TXLNA: variants seen among roughly 807,000 people sequenced by gnomAD.
TXLNA encodes the protein taxilin alpha, also known as alpha-taxilin.
TXLNA carries 9 observed loss-of-function variants against 61.4 expected under a neutral mutation model. The ratio of observed to expected loss-of-function variants is 0.15; its 90% CI spans 0.09 to 0.26. The LOEUF (loss-of-function observed/expected upper bound fraction) is 0.26. Among genes scored for constraint, TXLNA ranks in the 10% least tolerant of loss-of-function variants. TXLNA has a pLI of 1.00. For missense variants in TXLNA, 565 were observed against 688.8 expected (o/e 0.82, Z 2.01); for synonymous variants, 257 against 267.7 (o/e 0.96, Z 0.39).
chr1:32,186,774 T>C (rs1642797574), intron 4 of TXLNA, among the ~76,000 whole-genome samples: 1 of 152,186 alleles, frequency 6.6e-6, no homozygotes, highest in South Asian at 2.1e-4. Context: ...GTGGGTGTGC[T>C]CTCTGGTAGT....
chr1:32,192,679 C>T lies in TXLNA; in HGVS notation c.1106C>T (p.Ser369Phe). The T allele has an allele frequency of 6.2e-7, 1 of 1,614,174 alleles. No homozygotes were observed. The highest frequency in any genetic ancestry group is 8.5e-7 in the Non-Finnish European group (1 of 1,180,030). The change falls in exon 8 of 11, where the codon TCC (serine) becomes TTC (phenylalanine). Residue 369 changes from serine to phenylalanine, a missense_variant. Transcript: ENST00000373610. The surrounding 1 kb of genome is among the most constrained non-coding windows in gnomAD (Gnocchi z 4.2). ...TAGCTCCTGAAAGAGGCAGTAGAGTCCCAGAGGATGTGTGAGCTGATGAAG... is the reference window on the plus strand; with the variant it reads ...TAGCTCCTGAAAGAGGCAGTAGAGTTCCAGAGGATGTGTGAGCTGATGAAG... ...KDFLLKEAVE[S>F]QRMCELMKQQ... is the part of the protein sequence containing the mutation.
At chr1:32,187,264 A>C (rs113824454) in intron 4 of TXLNA, among the ~76,000 whole-genome samples, 11 of 152,190 alleles carry the variant, frequency 7.2e-5, no homozygotes, top group South Asian at 2.1e-4. Flanking sequence ...TTAAATACAT[A>C]TATTACTAAA....
At chr1:32,189,687 G>A (rs566934210) in intron 5 of TXLNA, among the ~76,000 whole-genome samples, 15 of 152,182 alleles carry the variant, frequency 9.9e-5, no homozygotes, top group African/African-American at 3.1e-4. Context: ...TGGGACCACA[G>A]GTGCACACCA....
chr1:32,192,813 T>C lies in TXLNA; in HGVS notation c.1158+82T>C. On this transcript the variant is annotated intron_variant, in intron 8 of 10. Transcript: ENST00000373610. This position sits in a 1 kb window ranked among gnomAD's most constrained non-coding sequence, Gnocchi z 4.2. ...TGGGGGTAGTGAAATGGGACCCTCA[T>C]TCTAGGACTGGCTGTGTCCTGGCTG... is the stretch of plus-strand genomic sequence containing the variant. The C allele has an allele frequency of 7.0e-6, 10 of 1,420,604 alleles. No individual in the cohort carries two copies. Among genetic ancestry groups the C allele is most frequent in the Non-Finnish European group, 9.9e-6 (10 of 1,008,332 alleles). The allele number at this position is 1,420,604 out of a possible 1,614,324, so 88.0% of individuals were successfully genotyped here.
chr1:32,180,470 A>C lies in TXLNA; in HGVS notation c.125A>C (p.Glu42Ala). ...ERPSQAAPAV[E>A]AEGPGSSQAP... is the part of the protein sequence containing the mutation. ...CCCAGCCAGGCGGCTCCTGCAGTAG[A>C]AGCAGAAGGTCCCGGCAGCAGCCAG... The change falls in exon 2 of 11, where the codon GAA becomes GCA. Residue 42 changes from glutamate (E) to alanine (A), a missense_variant. Coordinates refer to ENST00000373610, the MANE Select transcript of TXLNA (RefSeq NM_175852.4). 6.2e-7 allele frequency: 1 copy of C among 1,611,946 alleles called. No individual in the cohort carries two copies. The highest frequency in any genetic ancestry group is 1.3e-5 in the African/African-American group (1 of 75,022).
chr1:32,180,617 A>T (rs1454174735), intron 2 of TXLNA, 103 bp downstream of exon 2: 1 of 1,412,862 alleles, frequency 7.1e-7, no homozygotes, highest in Non-Finnish European at 9.4e-7. Context: ...GGAGGAGGAG[A>T]TGTAGAATGA....
rs1382118353 is a variant in TXLNA at position 32,195,074 on chromosome 1, G to A, written c.1520G>A (p.Gly507Glu). Residue 507 changes from glycine (G) to glutamate (E), a missense_variant, in exon 11 of 11, where the codon GGG (glycine) becomes GAG (glutamate). Around this residue, in one of 2 missense-constraint regions of TXLNA, gnomAD observed 373 missense variants for 504.0 expected, o/e 0.74. Transcript: ENST00000373610. ...TDSGPERRPE[G>E]PGAQAPSSPR... Reference sequence around the variant, plus strand: ...AGTGGCCCTGAGAGGAGGCCAGAGGGGCCTGGGGCTCAAGCACCCAGCTCC... The same window carrying A: ...AGTGGCCCTGAGAGGAGGCCAGAGGAGCCTGGGGCTCAAGCACCCAGCTCC... The A allele has an allele frequency of 1.2e-6, 2 of 1,614,038 alleles. No homozygotes were observed. The highest frequency in any genetic ancestry group is 1.7e-6 in the Non-Finnish European group (2 of 1,180,022).
intron 9 of TXLNA, 130 bp from the exon 10 acceptor site, chr1:32,193,935 C>T (rs1253227764): frequency 9.1e-6 from 6 of 660,082 alleles, no homozygotes; most frequent in African/African-American, 1.8e-5. Flanking sequence ...TTGACTGCAT[C>T]CTGTAATGCC....
In TXLNA at chr1:32,196,954, C is replaced by T. The variant is rs1407271681; in HGVS notation, c.*1759C>T. On this transcript the variant is annotated 3_prime_UTR_variant, in exon 11 of 11. Coordinates refer to ENST00000373610, the MANE Select transcript of TXLNA (RefSeq NM_175852.4). ...AGTTGCCTGCTATTCTCTGGTGTAT[C>T]CTTCACATCTAGGTGCCCTCAAGCA... 1 of 152,264 alleles carries T rather than the reference C, an allele frequency of 6.6e-6. No individual in the cohort carries two copies. The highest frequency in any genetic ancestry group is 1.5e-5 in the Non-Finnish European group (1 of 68,046). The allele number at this position is 152,264 out of a possible 1,614,324, so 9.4% of individuals were successfully genotyped here. A position where few individuals can be genotyped will look rare whatever the true frequency, so the allele number is the denominator to read the frequency against.
In TXLNA at chr1:32,184,881, C is replaced by T. The variant is rs77053247; in HGVS notation, c.597+265C>T. On this transcript the variant is annotated intron_variant, in intron 4 of 10. Transcript: ENST00000373610. The stretch of plus-strand genomic sequence containing the variant: ...TTGTTCCTGGCCTGAGTCCAAGACA[C>T]CTTGTGATCTTGATGCTTCTTCCTC... Among the ~76,000 whole-genome samples, 168 of 152,332 alleles carry T rather than the reference C, an allele frequency of 1.1e-3. 2 individuals are homozygous for T. The highest frequency in any genetic ancestry group is 4.0e-3 in the African/African-American group (165 of 41,570).
intron 4 of TXLNA, among the ~76,000 whole-genome samples, chr1:32,186,390 G>A (rs889092223): frequency 1.3e-5 from 2 of 152,112 alleles, no homozygotes; most frequent in Admixed American, 1.3e-4. Flanking sequence ...TGATGAGAAC[G>A]ATGAAATAGT....
rs1380748010 is a variant in TXLNA at position 32,192,881 on chromosome 1, C to T, written c.1158+150C>T. On this transcript the variant is annotated intron_variant, in intron 8 of 10. Transcript: ENST00000373610. This position sits in a 1 kb window ranked among gnomAD's most constrained non-coding sequence, Gnocchi z 4.2. ...AGCCTTTGTTCTCTCCGGACCTGCA[C>T]AGTACCTATGTGGTGGTGACCAGGT... The T allele has an allele frequency of 1.5e-4, 116 of 771,854 alleles. 1 individual carries two copies. The South Asian group carries it at 1.9e-3, about 13-fold the overall frequency. 47.8% of individuals were successfully genotyped at this position (771,854 alleles called of 1,614,324 possible). A position where few individuals can be genotyped will look rare whatever the true frequency, so the allele number is the denominator to read the frequency against.
At position 32,192,495 on chromosome 1, in the gene TXLNA, C is replaced by T. The variant is rs1642929962; in HGVS notation, c.1083+65C>T. The T allele has an allele frequency of 3.7e-6, 6 of 1,603,912 alleles. No homozygotes were observed. Among genetic ancestry groups the T allele is most frequent in the South Asian group, 1.1e-5 (1 of 90,026 alleles). ...AGACAGGCTGGGCTCTGGCTCAGCT[C>T]ATAGCCGGGTTATATGGGAGAAGTC... On this transcript the variant is annotated intron_variant, in intron 7 of 10. Coordinates refer to ENST00000373610, the MANE Select transcript of TXLNA (RefSeq NM_175852.4). The surrounding 1 kb of genome is among the most constrained non-coding windows in gnomAD (Gnocchi z 4.2).
intron 5 of TXLNA, among the ~76,000 whole-genome samples, chr1:32,189,608 G>A (rs1210563042): frequency 2.0e-5 from 3 of 151,184 alleles, no homozygotes; most frequent in South Asian, 2.1e-4. Context: ...GCAGTGGCGC[G>A]ATCATAGCTC....
chr1:32,191,914 C>T (rs1258227672), intron 6 of TXLNA, among the ~76,000 whole-genome samples: 1 of 152,204 alleles, frequency 6.6e-6, no homozygotes, highest in Non-Finnish European at 1.5e-5. Context: ...AAGTCTTTGC[C>T]AACTGAGCTA....
At chr1:32,191,479 G>A (rs1257367887) in intron 6 of TXLNA, among the ~76,000 whole-genome samples, 1 of 152,108 alleles carries the variant, frequency 6.6e-6, no homozygotes, top group Non-Finnish European at 1.5e-5. Context: ...TTATCCCTCA[G>A]CGCTGAGACA....
chr1:32,189,541 C>CTT (rs760315096), intron 5 of TXLNA, among the ~76,000 whole-genome samples: 106 of 143,998 alleles, frequency 7.4e-4, no homozygotes, highest in Non-Finnish European at 1.3e-3. Context: ...TTTTTTCTTC[C>CTT]TTTTTTTTTT....
In TXLNA at chr1:32,195,508, C is replaced by T. The variant is rs974028495; in HGVS notation, c.*313C>T. 10 of 502,914 alleles carry T rather than the reference C, an allele frequency of 2.0e-5. No individual in the cohort carries two copies. The highest frequency in any genetic ancestry group is 2.9e-5 in the Non-Finnish European group (8 of 276,192). 31.2% of individuals were successfully genotyped at this position (502,914 alleles called of 1,614,324 possible). On this transcript the variant is annotated 3_prime_UTR_variant, in exon 11 of 11. Coordinates refer to ENST00000373610, the MANE Select transcript of TXLNA (RefSeq NM_175852.4). ...AGGGGCTGTCATCTGTAGCTGCCAT[C>T]ACAGTGAGTTGGCAGAAGTGACTTG...
At chr1:32,180,541 G>A in intron 2 of TXLNA, 27 bp downstream of exon 2, 1 of 1,570,574 alleles carries the variant, frequency 6.4e-7, no homozygotes. Flanking sequence ...CGTTGCCAGC[G>A]GGCAGGGGGA....
Sources: allele counts gnomAD v4.1 joint callset (sites outside exome capture counted in the v4.1 genomes callset), GRCh38; gene constraint gnomAD v4.1.1; regional missense constraint gnomAD v4.1.1; non-coding constraint Gnocchi (gnomAD v3.1); transcripts MANE v1.5; gene names NCBI Gene and HGNC (gene_info 2026-07-23, HGNC 2026-07-21).